ANAPC16: variants seen among roughly 807,000 people sequenced by gnomAD.
ANAPC16 encodes the protein anaphase promoting complex subunit 16, also known as anaphase-promoting complex subunit 16.
Under a neutral mutation model 13.1 loss-of-function variants are expected in ANAPC16, and 6 were observed. That is an observed-to-expected ratio of 0.46 (90% CI 0.25 to 0.90). The LOEUF is 0.90. Ranked by LOEUF, ANAPC16 falls within the 40% of genes least tolerant of loss-of-function variation. The pLI is 0.18. For missense variants in ANAPC16, 113 were observed against 131.1 expected (o/e 0.86, Z 0.67); for synonymous variants, 55 against 51.3 (o/e 1.07, Z -0.31).
At chr10:72,232,728 C>A (rs1231745893) in intron 3 of ANAPC16, among the ~76,000 whole-genome samples, 1 of 150,928 alleles carries the variant, frequency 6.6e-6, no homozygotes, top group East Asian at 2.0e-4. Flanking sequence ...CTCAGCCTCC[C>A]GAGTAGCTGG....
At chr10:72,226,244 C>G (rs1429424410) in intron 2 of ANAPC16, among the ~76,000 whole-genome samples, 1 of 151,928 alleles carries the variant, frequency 6.6e-6, no homozygotes, top group Non-Finnish European at 1.5e-5. Flanking sequence ...AGCTTGAACT[C>G]CTGACCTCAA....
At chr10:72,216,867 A>G (rs1230141332) in intron 1 of ANAPC16, 1 of 455,998 alleles carries the variant, frequency 2.2e-6, no homozygotes. Flanking sequence ...TATTTGTTTG[A>G]CAAAATTTTA....
In ANAPC16 at chr10:72,218,168, ATATATATATATATAT is replaced by A. The variant is rs1564789463; in HGVS notation, c.-28+2031_-28+2045del. Among the ~76,000 whole-genome samples the A allele has an allele frequency of 8.3e-3, 163 of 19,710 alleles. 4 individuals are homozygous for A. The highest frequency in any genetic ancestry group is 0.024 in the East Asian group (12 of 500). 12.9% of individuals were successfully genotyped at this position (19,710 alleles called of 152,430 possible). Reference sequence around the variant, plus strand: ...CTCAAAAAAAAAAAAAAAAAAAAATATATATATATATATATATATATATATATATATATATATATA... The same window carrying A: ...CTCAAAAAAAAAAAAAAAAAAAAATAATATATATATATATATATATATATA... On this transcript the variant is annotated intron_variant, in intron 1 of 3. Coordinates refer to ENST00000299381, the MANE Select transcript of ANAPC16 (RefSeq NM_173473.4).
chr10:72,232,589 GA>G (rs945154864), intron 3 of ANAPC16, among the ~76,000 whole-genome samples: 2 of 124,770 alleles, frequency 1.6e-5, no homozygotes, highest in Non-Finnish European at 3.3e-5. Flanking sequence ...ATCTTGAGGA[GA>G]AAAAAAAATC....
intron 1 of ANAPC16, among the ~76,000 whole-genome samples, chr10:72,222,236 G>A (rs1859964327): frequency 6.7e-6 from 1 of 150,374 alleles, no homozygotes; most frequent in African/African-American, 2.4e-5. Flanking sequence ...TGGCCAACAT[G>A]GCGAAACCCT....
At chr10:72,231,163 A>G (rs775579800) in intron 3 of ANAPC16, among the ~76,000 whole-genome samples, 14 of 152,084 alleles carry the variant, frequency 9.2e-5, no homozygotes, top group Non-Finnish European at 1.8e-4. Flanking sequence ...ATGTAGGGGG[A>G]AAAGCTGTAA....
chr10:72,218,142 T>C (rs1368727220), intron 1 of ANAPC16, among the ~76,000 whole-genome samples: 5 of 74,292 alleles, frequency 6.7e-5, no homozygotes, highest in South Asian at 4.5e-4. Context: ...TGAAACTCTG[T>C]CTCAAAAAAA....
rs150377726 is a variant in ANAPC16 at position 72,233,321 on chromosome 10, A to C, written c.*205A>C. The C allele has an allele frequency of 1.3e-5, 7 of 525,250 alleles. No homozygotes were observed. Among genetic ancestry groups the C allele is most frequent in the Non-Finnish European group, 2.1e-5 (6 of 292,158 alleles). 32.5% of individuals were successfully genotyped at this position (525,250 alleles called of 1,614,324 possible). On this transcript the variant is annotated 3_prime_UTR_variant, in exon 4 of 4. Coordinates refer to ENST00000299381, the MANE Select transcript of ANAPC16 (RefSeq NM_173473.4). ...GGGAATGTTTTGTTTATTTGTTTTT[A>C]AAAGTATTGGGAATCAGATTAAGAC...
Position 72,235,457 on chromosome 10 carries a change from A to G in ANAPC16, c.*2341A>G, listed in dbSNP as rs1454683518. 1 of 152,222 alleles carries G rather than the reference A, an allele frequency of 6.6e-6. No individual in the cohort carries two copies. The highest frequency in any genetic ancestry group is 1.9e-4 in the East Asian group (1 of 5,204). The allele number at this position is 152,222 out of a possible 1,614,324, so 9.4% of individuals were successfully genotyped here. The stretch of plus-strand genomic sequence containing the variant: ...ACAAGAGCGAAACTGTCTCAAAAAA[A>G]AGAAGAAAATAAATAAATAAAAATC... On this transcript the variant is annotated 3_prime_UTR_variant, in exon 4 of 4. Coordinates refer to ENST00000299381, the MANE Select transcript of ANAPC16 (RefSeq NM_173473.4).
Position 72,234,788 on chromosome 10 carries a change from A to G in ANAPC16, c.*1672A>G, listed in dbSNP as rs1860424356. 1 of 152,210 alleles carries G rather than the reference A, an allele frequency of 6.6e-6. No individual in the cohort carries two copies. The highest frequency in any genetic ancestry group is 1.5e-5 in the Non-Finnish European group (1 of 68,042). The allele number at this position is 152,210 out of a possible 1,614,324, so 9.4% of individuals were successfully genotyped here. On this transcript the variant is annotated 3_prime_UTR_variant, in exon 4 of 4. Coordinates refer to ENST00000299381, the MANE Select transcript of ANAPC16 (RefSeq NM_173473.4). ...ACACCTGCTCATGGTCACATAGCCC[A>G]GGCAGAAGAAAATCTCGGACTTGGA...
rs1165942657 is a variant in ANAPC16, at chr10:72,232,929, C to CA, written c.218-71dup. On this transcript the variant is annotated intron_variant, in intron 3 of 3. Coordinates refer to ENST00000299381, the MANE Select transcript of ANAPC16 (RefSeq NM_173473.4). The stretch of plus-strand genomic sequence containing the variant: ...TAGAAATTATTTTTATACCAGTCAT[C>CA]ATCTTGGTGGCTGGTGGCAGTCTCT... 5.6e-5 allele frequency: 68 copies of CA among 1,218,324 alleles called. No homozygotes were observed. In the African/African-American group the frequency reaches 9.1e-4, roughly 16 times the overall value. 75.5% of individuals were successfully genotyped at this position (1,218,324 alleles called of 1,614,324 possible).
intron 2 of ANAPC16, among the ~76,000 whole-genome samples, chr10:72,225,428 A>T (rs560057955): frequency 3.9e-5 from 6 of 152,040 alleles, no homozygotes; most frequent in African/African-American, 1.4e-4. Context: ...ATTTTGAAAA[A>T]CATTGGGACC....
At chr10:72,216,762 T>A (rs1489400803) in intron 1 of ANAPC16, 1 of 454,598 alleles carries the variant, frequency 2.2e-6, no homozygotes. Context: ...CACAGCAATC[T>A]GTGTCCACAA....
intron 2 of ANAPC16, among the ~76,000 whole-genome samples, chr10:72,227,558 G>T (rs753429185): frequency 3.9e-5 from 6 of 151,932 alleles, no homozygotes; most frequent in Non-Finnish European, 8.8e-5. Context: ...TGTAGAGATG[G>T]CAACCCCTAA....
At chr10:72,232,186 CAAAAAAAAAAAAAAAA>C (rs1194817055) in intron 3 of ANAPC16, among the ~76,000 whole-genome samples, 26 of 43,918 alleles carry the variant, frequency 5.9e-4, no homozygotes, top group African/African-American at 1.4e-3. Context: ...AACTCTGTCT[CAAAAAAAAAAAAAAAA>C]AAAAAAAAAA....
At chr10:72,225,081 C>A (rs1041123066) in intron 2 of ANAPC16, among the ~76,000 whole-genome samples, 1 of 151,858 alleles carries the variant, frequency 6.6e-6, no homozygotes, top group African/African-American at 2.4e-5. Flanking sequence ...GTCAGGAGTT[C>A]GAGACCAGCC....
At chr10:72,232,825 C>G (rs1203621757) in intron 3 of ANAPC16, among the ~76,000 whole-genome samples, 176 bp from the exon 4 acceptor site, 1 of 151,900 alleles carries the variant, frequency 6.6e-6, no homozygotes. Flanking sequence ...AGGATGGTCT[C>G]GATCTCTTGA....
At chr10:72,218,165 A>T (rs7072916) in intron 1 of ANAPC16, among the ~76,000 whole-genome samples, 627 of 31,448 alleles carry the variant, frequency 0.02, 22 homozygotes, top group Admixed American at 0.024. Flanking sequence ...AAAAAAAAAA[A>T]ATATATATAT....
At chr10:72,218,161 AAAAAATATATATATAT>A (rs1163607283) in intron 1 of ANAPC16, among the ~76,000 whole-genome samples, 142 of 40,014 alleles carry the variant, frequency 3.5e-3, no homozygotes, top group South Asian at 7.6e-3. Flanking sequence ...AAAAAAAAAA[AAAAAATATATATATAT>A]ATATATATAT....
Sources: allele counts gnomAD v4.1 joint callset (sites outside exome capture counted in the v4.1 genomes callset), GRCh38; gene constraint gnomAD v4.1.1; transcripts MANE v1.5; gene names NCBI Gene and HGNC (gene_info 2026-07-23, HGNC 2026-07-21).